C8A: variants seen among roughly 807,000 people sequenced by gnomAD.
The protein encoded by C8A is complement component C8 alpha chain.
A neutral mutation model predicts 65.3 loss-of-function variants in C8A; 67 were observed. That is an observed-to-expected ratio of 1.03 (90% CI 0.84 to 1.26). C8A has a LOEUF of 1.26. Among genes scored for constraint, C8A ranks in the 50% most tolerant of loss-of-function variants. C8A has a pLI of 0.00. For missense variants in C8A, 781 were observed against 723.9 expected (o/e 1.08, Z -0.90); for synonymous variants, 290 against 259.4 (o/e 1.12, Z -1.13).
intron 9 of C8A, among the ~76,000 whole-genome samples, chr1:56,911,946 G>C (rs1644510871): frequency 6.6e-6 from 1 of 152,188 alleles, no homozygotes; most frequent in Non-Finnish European, 1.5e-5. Context: ...AGCCCACTTG[G>C]GATTGGGAGT....
At chr1:56,867,219 A>G (rs1557697830) in intron 1 of C8A, among the ~76,000 whole-genome samples, 1 of 152,152 alleles carries the variant, frequency 6.6e-6, no homozygotes, top group Non-Finnish European at 1.5e-5. Flanking sequence ...CAGAGATATT[A>G]AGTAATTTAC....
At chr1:56,907,663 T>A (rs574396804) in intron 8 of C8A, among the ~76,000 whole-genome samples, 1 of 152,074 alleles carries the variant, frequency 6.6e-6, no homozygotes, top group East Asian at 1.9e-4. Flanking sequence ...GATGTAAGAA[T>A]GAATGAGTGA....
chr1:56,912,289 T>A (rs1644513980), intron 9 of C8A, 114 bp from the exon 10 acceptor site: 1 of 886,250 alleles, frequency 1.1e-6, no homozygotes. Flanking sequence ...ATTGGGTGTC[T>A]GTGTCTGTGC....
chr1:56,916,502 C>T (rs1415804635), intron 10 of C8A, among the ~76,000 whole-genome samples: 1 of 152,148 alleles, frequency 6.6e-6, no homozygotes, highest in Non-Finnish European at 1.5e-5. Flanking sequence ...GCTGTGGCTG[C>T]CCCATCAGGG....
At chr1:56,906,943 TGC>T in intron 8 of C8A, 151 bp downstream of exon 8, 3 of 939,532 alleles carry the variant, frequency 3.2e-6, no homozygotes. Flanking sequence ...AACAATGACC[TGC>T]AGTGGCTTTA....
chr1:56,912,522 G>C lies in C8A; in HGVS notation c.1500G>C (p.Gly500=), dbSNP rs1464054241. 1.2e-6 allele frequency: 2 copies of C among 1,614,092 alleles called. No homozygotes were observed. Among genetic ancestry groups the C allele is most frequent in the Admixed American group, 3.3e-5 (2 of 60,010 alleles). The change falls in exon 10 of 11, where the codon GGG becomes GGC. Residue 500 remains glycine (G), a synonymous_variant. Coordinates refer to ENST00000361249, the MANE Select transcript of C8A (RefSeq NM_000562.3). ...YLMEFNACRC[G]PCFNNGVPIL... is the part of the protein sequence containing the mutation. ...TGGAATTCAATGCCTGCCGATGTGGGCCTTGCTTCAACAATGGGGTGCCCA... is the reference window on the plus strand; with the variant it reads ...TGGAATTCAATGCCTGCCGATGTGGCCCTTGCTTCAACAATGGGGTGCCCA...
intron 1 of C8A, among the ~76,000 whole-genome samples, chr1:56,860,284 G>T (rs1175570069): frequency 6.6e-6 from 1 of 152,128 alleles, no homozygotes; most frequent in Non-Finnish European, 1.5e-5. Flanking sequence ...GTTGGAAGTG[G>T]CTTGTCATGT....
rs148305753 is a variant in C8A, at chr1:56,899,772, T to C, written c.1097-6895T>C. On this transcript the variant is annotated intron_variant, in intron 7 of 10. Transcript: ENST00000361249. ...AATAGCAACACTTGACTGTGATTGCTAGCTCTGAACCAGGCACTGTCCAGA... is the reference window on the plus strand; with the variant it reads ...AATAGCAACACTTGACTGTGATTGCCAGCTCTGAACCAGGCACTGTCCAGA... Among the ~76,000 whole-genome samples, 96 of 152,346 alleles carry C rather than the reference T, an allele frequency of 6.3e-4. 1 individual carries two copies. Among genetic ancestry groups the C allele is most frequent in the African/African-American group, 2.3e-3 (94 of 41,590 alleles).
intron 1 of C8A, among the ~76,000 whole-genome samples, chr1:56,861,870 A>G (rs1231971203): frequency 6.6e-6 from 1 of 152,208 alleles, no homozygotes; most frequent in East Asian, 1.9e-4. Flanking sequence ...TCAGAGTTAG[A>G]CTTTCTGACC....
At chr1:56,882,833 T>C (rs2101235896) in intron 5 of C8A, among the ~76,000 whole-genome samples, 1 of 152,282 alleles carries the variant, frequency 6.6e-6, no homozygotes, top group South Asian at 2.1e-4. Flanking sequence ...TTGCTTATGC[T>C]ATTTGTCCAC....
In C8A at chr1:56,886,096, T is replaced by C. The variant is rs1263317056; in HGVS notation, c.1025T>C (p.Ile342Thr). 1 of 1,613,856 alleles carries C rather than the reference T, an allele frequency of 6.2e-7. No individual in the cohort carries two copies. The highest frequency in any genetic ancestry group is 8.5e-7 in the Non-Finnish European group (1 of 1,179,900). ...KFINDYGTHY[I>T]TSGSMGGIYE... ...ATCAATGACTATGGCACCCATTACA[T>C]CACATCTGGATCCATGGGTGGCATT... Residue 342 changes from isoleucine to threonine, a missense_variant, in exon 7 of 11, where the codon ATC becomes ACC. Ile to Thr is a moderately conservative substitution (Grantham distance 89, BLOSUM62 -1). Coordinates refer to ENST00000361249, the MANE Select transcript of C8A (RefSeq NM_000562.3).
Position 56,899,530 on chromosome 1 carries a change from G to T in C8A, c.1097-7137G>T, listed in dbSNP as rs543014543. ...TGAACACTGAGTGAGCTAACACATGGAATATCTCCACCCAGTACATAATAG... is the reference window on the plus strand; with the variant it reads ...TGAACACTGAGTGAGCTAACACATGTAATATCTCCACCCAGTACATAATAG... On this transcript the variant is annotated intron_variant, in intron 7 of 10. Coordinates refer to ENST00000361249, the MANE Select transcript of C8A (RefSeq NM_000562.3). Among the ~76,000 whole-genome samples, 335 of 152,236 alleles carry T rather than the reference G, an allele frequency of 2.2e-3. 1 individual carries two copies. Among genetic ancestry groups the T allele is most frequent in the Non-Finnish European group, 3.4e-3 (230 of 68,002 alleles).
chr1:56,909,511 G>A (rs1196339685), intron 9 of C8A, among the ~76,000 whole-genome samples: 1 of 152,112 alleles, frequency 6.6e-6, no homozygotes, highest in Non-Finnish European at 1.5e-5. Context: ...TTAGTGATTT[G>A]AGCAAAAACT....
At chr1:56,914,996 G>C (rs541757723) in intron 10 of C8A, among the ~76,000 whole-genome samples, 3 of 152,226 alleles carry the variant, frequency 2.0e-5, no homozygotes, top group Non-Finnish European at 1.5e-5. Flanking sequence ...TAATTTCTAA[G>C]CTGCCAATTT....
chr1:56,918,010 C>T lies in C8A; in HGVS notation c.*294C>T, dbSNP rs1774889. 23,895 of 307,572 alleles carry T rather than the reference C, an allele frequency of 0.078. 1,597 individuals are homozygous for T. Among genetic ancestry groups the T allele is most frequent in the African/African-American group, 0.21 (9,801 of 46,140 alleles). The allele number at this position is 307,572 out of a possible 1,614,324, so 19.1% of individuals were successfully genotyped here. Reference sequence around the variant, plus strand: ...AAAGTAAAATAGAAAACTGAGAAAACTCAATCCATGACCAGGGAGAACTTA... The same window carrying T: ...AAAGTAAAATAGAAAACTGAGAAAATTCAATCCATGACCAGGGAGAACTTA... On this transcript the variant is annotated 3_prime_UTR_variant, in exon 11 of 11. Transcript: ENST00000361249.
intron 7 of C8A, among the ~76,000 whole-genome samples, chr1:56,902,158 G>A (rs1644431764): frequency 6.6e-6 from 1 of 152,094 alleles, no homozygotes; most frequent in Non-Finnish European, 1.5e-5. Flanking sequence ...TCCTGCAATG[G>A]TGAGAGCTCA....
intron 1 of C8A, among the ~76,000 whole-genome samples, chr1:56,862,744 T>C (rs2101190760): frequency 6.6e-6 from 1 of 152,282 alleles, no homozygotes; most frequent in Non-Finnish European, 1.5e-5. Context: ...CTATGCTCCG[T>C]ATTAAATGTC....
chr1:56,893,655 A>G (rs1029237972), intron 7 of C8A, among the ~76,000 whole-genome samples: 14 of 152,180 alleles, frequency 9.2e-5, no homozygotes, highest in African/African-American at 3.4e-4. Flanking sequence ...CTAACTGTGT[A>G]ATCATGGGCA....
chr1:56,878,996 G>A (rs991325246), intron 4 of C8A, among the ~76,000 whole-genome samples: 14 of 152,160 alleles, frequency 9.2e-5, no homozygotes, highest in African/African-American at 3.1e-4. Flanking sequence ...TTTTTAATAA[G>A]CAGCATATTC....
Sources: gnomAD v4.1 joint callset for allele counts (sites outside exome capture counted in the v4.1 genomes callset) on GRCh38, gnomAD v4.1.1 for gene constraint, MANE v1.5 for transcripts, NCBI Gene and HGNC (gene_info 2026-07-23, HGNC 2026-07-21) for gene names.